SMURF2: variants seen among roughly 807,000 people sequenced by gnomAD.
SMURF2 encodes the protein SMAD specific E3 ubiquitin protein ligase 2, also known as E3 ubiquitin-protein ligase SMURF2.
SMURF2 carries 48 observed loss-of-function variants against 109.6 expected under a neutral mutation model. The observed-to-expected ratio is 0.44, with a 90% confidence interval of 0.35 to 0.56. The LOEUF is 0.56. SMURF2 is among the 20% of genes least tolerant of loss of function. The pLI, the probability that SMURF2 is intolerant of heterozygous loss-of-function variation, is 0.01. For synonymous variants in SMURF2, 288 were observed against 317.1 expected (o/e 0.91, Z 0.97); for missense variants, 575 against 909.0 (o/e 0.63, Z 4.72).
At chr17:64,644,819 G>C (rs150736646) in intron 1 of SMURF2, among the ~76,000 whole-genome samples, 1 of 151,402 alleles carries the variant, frequency 6.6e-6, no homozygotes, top group Admixed American at 6.6e-5. Context: ...CTGTCTCATG[G>C]TGAAACCCTG....
intron 1 of SMURF2, among the ~76,000 whole-genome samples, chr17:64,634,773 G>A (rs1423246659): frequency 1.3e-5 from 2 of 152,144 alleles, no homozygotes; most frequent in African/African-American, 4.8e-5. Context: ...TTAAAAAGAA[G>A]ACACAGTCCT....
chr17:64,583,328 C>G (rs1001340982), intron 7 of SMURF2, 133 bp downstream of exon 7: 5 of 669,998 alleles, frequency 7.5e-6, no homozygotes, highest in South Asian at 7.5e-5. Flanking sequence ...AACAATGGCA[C>G]CTGTTATAAG....
At chr17:64,623,876 CA>C (rs1970234644) in intron 1 of SMURF2, among the ~76,000 whole-genome samples, 1 of 152,174 alleles carries the variant, frequency 6.6e-6, no homozygotes, top group South Asian at 2.1e-4. Context: ...TATTCCTTGA[CA>C]AATCTATACG....
At chr17:64,588,271 A>G (rs1489833244) in intron 5 of SMURF2, among the ~76,000 whole-genome samples, 1 of 152,076 alleles carries the variant, frequency 6.6e-6, no homozygotes, top group Admixed American at 6.6e-5. Context: ...TAGCTGGGGC[A>G]TAACAGTTTT....
chr17:64,634,236 T>TTTAAA (rs1970385730), intron 1 of SMURF2, among the ~76,000 whole-genome samples: 1 of 152,218 alleles, frequency 6.6e-6, no homozygotes, highest in Non-Finnish European at 1.5e-5. Context: ...AGTTTCACCA[T>TTTAAA]TTAAAGATGT....
intron 14 of SMURF2, 75 bp downstream of exon 14, chr17:64,555,745 G>T: frequency 3.0e-6 from 3 of 1,010,518 alleles, no homozygotes; most frequent in Non-Finnish European, 2.8e-6. Context: ...ATTTTTTTAA[G>T]TACATCAGTT....
At chr17:64,573,609 T>G (rs542831915) in intron 9 of SMURF2, among the ~76,000 whole-genome samples, 6 of 151,662 alleles carry the variant, frequency 4.0e-5, no homozygotes, top group Non-Finnish European at 8.8e-5. Flanking sequence ...CCTCAAATTT[T>G]AAAAAAAAGG....
intron 3 of SMURF2, 88 bp from the exon 4 acceptor site, chr17:64,593,661 T>C: frequency 8.9e-7 from 1 of 1,128,704 alleles, no homozygotes; most frequent in Non-Finnish European, 1.2e-6. Flanking sequence ...TATTCTAAAG[T>C]TACTAATATG....
At chr17:64,599,950 T>A (rs1358969398) in intron 2 of SMURF2, among the ~76,000 whole-genome samples, 2 of 152,128 alleles carry the variant, frequency 1.3e-5, no homozygotes, top group Non-Finnish European at 1.5e-5. Flanking sequence ...GTAAATACTA[T>A]TGGAAATATG....
chr17:64,587,716 G>C (rs1969683079), intron 5 of SMURF2, among the ~76,000 whole-genome samples: 1 of 152,140 alleles, frequency 6.6e-6, no homozygotes, highest in Non-Finnish European at 1.5e-5. Context: ...ATTTAGAGGA[G>C]AGAACACTAT....
rs73333958 is a variant in SMURF2, at chr17:64,614,993, C to T, written c.53-8353G>A. 2.1e-3 allele frequency among the ~76,000 whole-genome samples: 323 copies of T among 152,250 alleles called. 1 individual carries two copies. The highest frequency in any genetic ancestry group is 7.4e-3 in the African/African-American group (308 of 41,544). Reference sequence around the variant, plus strand: ...AAGTACAGATGGCAGTAAATACTACCATTTTCATTTAGGTCAATAATTTAT... The same window carrying T: ...AAGTACAGATGGCAGTAAATACTACTATTTTCATTTAGGTCAATAATTTAT... On this transcript the variant is annotated intron_variant, in intron 1 of 18. Coordinates refer to ENST00000262435, the MANE Select transcript of SMURF2 (RefSeq NM_022739.4).
chr17:64,627,193 C>A (rs1283892137), intron 1 of SMURF2, among the ~76,000 whole-genome samples: 2 of 147,018 alleles, frequency 1.4e-5, no homozygotes, highest in Non-Finnish European at 3.0e-5. Flanking sequence ...TGGCTCACTG[C>A]AACCTCCACC....
chr17:64,634,408 T>C (rs941496043), intron 1 of SMURF2, among the ~76,000 whole-genome samples: 2 of 152,176 alleles, frequency 1.3e-5, no homozygotes, highest in African/African-American at 4.8e-5. Flanking sequence ...ATGAGGCATG[T>C]ATAGAACTTT....
intron 1 of SMURF2, among the ~76,000 whole-genome samples, chr17:64,644,160 A>G (rs1555692815): frequency 6.6e-6 from 1 of 151,914 alleles, no homozygotes; most frequent in East Asian, 1.9e-4. Context: ...TACGCACCAC[A>G]CACCAGGCTA....
chr17:64,566,910 G>T (rs1254170830), intron 10 of SMURF2, among the ~76,000 whole-genome samples: 5 of 142,036 alleles, frequency 3.5e-5, no homozygotes, highest in East Asian at 2.1e-4. Context: ...AGACTCTGTC[G>T]CCCAGGCTGG....
intron 15 of SMURF2, 54 bp from the exon 16 acceptor site, chr17:64,551,758 A>G (rs1969049278): frequency 3.7e-6 from 6 of 1,600,848 alleles, no homozygotes; most frequent in Non-Finnish European, 4.3e-6. Flanking sequence ...AGATCTGGTA[A>G]TTATTATTAT....
In SMURF2 at chr17:64,661,963, G is replaced by A; in HGVS notation, c.-83C>T. On this transcript the variant is annotated 5_prime_UTR_variant, in exon 1 of 19. Coordinates refer to ENST00000262435, the MANE Select transcript of SMURF2 (RefSeq NM_022739.4). Reference sequence around the variant, plus strand: ...CGGCGGAGTCACCACAGCGGCCGGGGCTGGGGCCCGAGCAGCCGGCGCCTC... The same window carrying A: ...CGGCGGAGTCACCACAGCGGCCGGGACTGGGGCCCGAGCAGCCGGCGCCTC... 1.8e-6 allele frequency: 2 copies of A among 1,129,888 alleles called. No individual in the cohort carries two copies. Among genetic ancestry groups the A allele is most frequent in the Admixed American group, 9.8e-5 (2 of 20,340 alleles). 70.0% of individuals were successfully genotyped at this position (1,129,888 alleles called of 1,614,324 possible). A position where few individuals can be genotyped will look rare whatever the true frequency, so the allele number is the denominator to read the frequency against.
chr17:64,559,471 G>A (rs1196790574), intron 12 of SMURF2, among the ~76,000 whole-genome samples: 1 of 151,888 alleles, frequency 6.6e-6, no homozygotes, highest in African/African-American at 2.4e-5. Flanking sequence ...GTATGCGCCT[G>A]TAGTCCAGCT....
In SMURF2 at chr17:64,547,313, T is replaced by C. The variant is rs111573840; in HGVS notation, c.2071+287A>G. On this transcript the variant is annotated intron_variant, in intron 17 of 18. Transcript: ENST00000262435. This position sits in a 1 kb window ranked among gnomAD's most constrained non-coding sequence, Gnocchi z 4.2. ...GAAGTGAACGACTTCCCTACAGGAATGTGCAACAGAATTAAAAGTAAGGTG... is the reference window on the plus strand; with the variant it reads ...GAAGTGAACGACTTCCCTACAGGAACGTGCAACAGAATTAAAAGTAAGGTG... 0.053 allele frequency among the ~76,000 whole-genome samples: 8,071 copies of C among 152,108 alleles called. 310 individuals are homozygous for C. The highest frequency in any genetic ancestry group is 0.13 in the Admixed American group (2,056 of 15,266).
Sources: allele counts gnomAD v4.1 joint callset (sites outside exome capture counted in the v4.1 genomes callset), GRCh38; gene constraint gnomAD v4.1.1; non-coding constraint Gnocchi (gnomAD v3.1); transcripts MANE v1.5; gene names NCBI Gene and HGNC (gene_info 2026-07-23, HGNC 2026-07-21).